FAT3: variants seen among roughly 807,000 people sequenced by gnomAD.
FAT3 encodes the protein FAT atypical cadherin 3.
Under a neutral mutation model 310.2 loss-of-function variants are expected in FAT3, and 95 were observed. The observed-to-expected ratio is 0.31, with a 90% CI of 0.26 to 0.36. The LOEUF (loss-of-function observed/expected upper bound fraction) is 0.36, where lower values mean the gene tolerates loss of function less well. Among genes scored for constraint, FAT3 ranks in the 10% least tolerant of loss-of-function variants. FAT3 has a pLI of 1.00. For missense variants in FAT3, 5,408 were observed against 5,715.6 expected (o/e 0.95, Z 1.74); for synonymous variants, 2,314 against 2,192.9 (o/e 1.06, Z -1.54).
At chr11:92,784,954 A>C (rs1327562107) in intron 7 of FAT3, among the ~76,000 whole-genome samples, 5 of 151,978 alleles carry the variant, frequency 3.3e-5, no homozygotes, top group African/African-American at 1.2e-4. Flanking sequence ...GAACTTTCTG[A>C]ATGAAAGAAT....
At chr11:92,249,386 A>T (rs924990315) in intron 1 of FAT3, among the ~76,000 whole-genome samples, 2 of 152,162 alleles carry the variant, frequency 1.3e-5, no homozygotes, top group African/African-American at 4.8e-5. Context: ...CTCACTCATC[A>T]ATCAGTGTTT....
intron 1 of FAT3, among the ~76,000 whole-genome samples, chr11:92,295,984 G>T (rs1946836782): frequency 6.6e-6 from 1 of 152,084 alleles, no homozygotes; most frequent in Non-Finnish European, 1.5e-5. Flanking sequence ...TTGGATGGCT[G>T]GTCTGGCAGC....
intron 4 of FAT3, among the ~76,000 whole-genome samples, chr11:92,746,115 T>A (rs1049174721): frequency 6.6e-6 from 1 of 152,240 alleles, no homozygotes; most frequent in African/African-American, 2.4e-5. Flanking sequence ...AAAGCACAAC[T>A]TTTTAGGCAA....
chr11:92,275,304 A>T (rs1420800424), intron 1 of FAT3, among the ~76,000 whole-genome samples: 1 of 151,818 alleles, frequency 6.6e-6, no homozygotes, highest in Non-Finnish European at 1.5e-5. Context: ...GTAATTTCCC[A>T]CTTTTAGCCA....
intron 2 of FAT3, among the ~76,000 whole-genome samples, chr11:92,435,000 G>C (rs1245631002): frequency 1.3e-5 from 2 of 152,178 alleles, no homozygotes; most frequent in Non-Finnish European, 2.9e-5. Context: ...CTTGCATACA[G>C]TGGGAAGAGT....
intron 3 of FAT3, among the ~76,000 whole-genome samples, chr11:92,540,979 C>A (rs1408758704): frequency 6.6e-6 from 1 of 152,038 alleles, no homozygotes; most frequent in Non-Finnish European, 1.5e-5. Flanking sequence ...GCAAAGCCAA[C>A]TGTTCTGTTG....
At chr11:92,507,598 CAT>C (rs1203341876) in intron 2 of FAT3, among the ~76,000 whole-genome samples, 2 of 151,258 alleles carry the variant, frequency 1.3e-5, no homozygotes, top group Non-Finnish European at 2.9e-5. Flanking sequence ...CCCTATATAA[CAT>C]ATATGTGTGT....
At chr11:92,422,342 T>C (rs1421082832) in intron 2 of FAT3, among the ~76,000 whole-genome samples, 1 of 152,216 alleles carries the variant, frequency 6.6e-6, no homozygotes, top group East Asian at 1.9e-4. Context: ...TCTGCCCCTG[T>C]TTCTTGCTCA....
intron 2 of FAT3, among the ~76,000 whole-genome samples, chr11:92,489,230 A>T: frequency 6.6e-6 from 1 of 152,150 alleles, no homozygotes; most frequent in East Asian, 1.9e-4. Context: ...CTTGCTTCTC[A>T]TGTTAGCCCT....
chr11:92,657,424 A>G (rs1232455012), intron 3 of FAT3, among the ~76,000 whole-genome samples: 1 of 152,226 alleles, frequency 6.6e-6, no homozygotes, highest in East Asian at 1.9e-4. Context: ...GTGGGCATGT[A>G]GACAGGAAGT....
chr11:92,800,140 G>A lies in FAT3; in HGVS notation c.7127G>A (p.Ser2376Asn), dbSNP rs1161628885. The A allele has an allele frequency of 1.9e-6, 3 of 1,613,846 alleles. No individual in the cohort carries two copies. The East Asian group carries it at 6.7e-5, about 36-fold the overall frequency. Reference sequence around the variant, plus strand: ...GATAGTGGCTTCCCATCACTGAGCAGTGAGGTTCTCGTTCATATCTACATC... The same window carrying A: ...GATAGTGGCTTCCCATCACTGAGCAATGAGGTTCTCGTTCATATCTACATC... Reference protein sequence around the residue: ...SIDSGFPSLSSEVLVHIYISD... With the variant: ...SIDSGFPSLSNEVLVHIYISD... The change falls in exon 10 of 28, where the codon AGT (serine) becomes AAT (asparagine). Residue 2376 changes from serine to asparagine, a missense_variant. By Grantham distance (46) the Ser-to-Asn change is conservative. Around this residue, in one of 5 missense-constraint regions of FAT3, gnomAD observed 4,588 missense variants for 4,809.8 expected, o/e 0.95. Coordinates refer to ENST00000525166, the MANE Select transcript of FAT3 (RefSeq NM_001367949.2).
chr11:92,382,702 A>G (rs1353326962), intron 2 of FAT3, among the ~76,000 whole-genome samples: 1 of 152,216 alleles, frequency 6.6e-6, no homozygotes, highest in Non-Finnish European at 1.5e-5. Context: ...CTACAGTTCT[A>G]TGACTTTTTC....
At chr11:92,885,360 A>C (rs1949772449) in intron 24 of FAT3, among the ~76,000 whole-genome samples, 1 of 152,182 alleles carries the variant, frequency 6.6e-6, no homozygotes, top group Admixed American at 6.5e-5. Flanking sequence ...GAAGGCACCT[A>C]ACTAGCAAAA....
intron 2 of FAT3, among the ~76,000 whole-genome samples, chr11:92,473,776 C>T (rs1167162090): frequency 6.6e-6 from 1 of 152,164 alleles, no homozygotes; most frequent in African/African-American, 2.4e-5. Flanking sequence ...TACACAGGGA[C>T]TAGCAAGAAA....
At chr11:92,637,664 A>G (rs1163762926) in intron 3 of FAT3, among the ~76,000 whole-genome samples, 1 of 152,222 alleles carries the variant, frequency 6.6e-6, no homozygotes, top group East Asian at 1.9e-4. Flanking sequence ...GAACTATAGT[A>G]ACTTCATGAC....
chr11:92,836,851 T>C, intron 16 of FAT3, 148 bp downstream of exon 16: 4 of 906,808 alleles, frequency 4.4e-6, no homozygotes, highest in Non-Finnish European at 6.4e-6. Flanking sequence ...GCATGAAATA[T>C]TAGGGTTAGA....
chr11:92,323,273 G>A (rs1947674750), intron 1 of FAT3, among the ~76,000 whole-genome samples: 1 of 151,830 alleles, frequency 6.6e-6, no homozygotes, highest in Non-Finnish European at 1.5e-5. Context: ...ATTTGAAACA[G>A]GGTCTTGCTC....
At chr11:92,831,353 G>A (rs1240891349) in intron 13 of FAT3, among the ~76,000 whole-genome samples, 2 of 152,170 alleles carry the variant, frequency 1.3e-5, no homozygotes, top group Non-Finnish European at 2.9e-5. Flanking sequence ...TTTTCTTAAA[G>A]ATTTGTGGGG....
At chr11:92,779,080 G>A (rs148455787) in intron 7 of FAT3, among the ~76,000 whole-genome samples, 40 of 152,148 alleles carry the variant, frequency 2.6e-4, no homozygotes, top group African/African-American at 3.9e-4. Flanking sequence ...TGAAGGAATC[G>A]GTACTGTATC....
Sources: gnomAD v4.1 joint callset for allele counts (sites outside exome capture counted in the v4.1 genomes callset) on GRCh38, gnomAD v4.1.1 for gene constraint, gnomAD v4.1.1 regional missense constraint, MANE v1.5 for transcripts, NCBI Gene and HGNC (gene_info 2026-07-23, HGNC 2026-07-21) for gene names.